The following MED1 variants were observed in gnomAD, a reference collection of about 807,000 sequenced individuals.
MED1 encodes the protein mediator complex subunit 1, also known as mediator of RNA polymerase II transcription subunit 1.
In MED1, 17 loss-of-function variants were observed where a neutral mutation model predicts 121.3. That is an observed-to-expected ratio of 0.14 (90% CI 0.10 to 0.21). The LOEUF is 0.21. Ranked by LOEUF, MED1 falls within the 10% of genes least tolerant of loss-of-function variation. The probability of loss-of-function intolerance (pLI) is 1.00; values close to 1 mark genes in which losing one functional copy is unlikely to be tolerated. For synonymous variants in MED1, 661 were observed against 694.4 expected (o/e 0.95, Z 0.76); for missense variants, 1,558 against 1,919.4 (o/e 0.81, Z 3.52).
chr17:39,437,019 G>C (rs1350012082), intron 6 of MED1, among the ~76,000 whole-genome samples: 2 of 151,406 alleles, frequency 1.3e-5, no homozygotes, highest in Non-Finnish European at 2.9e-5. Flanking sequence ...CACAACCTCT[G>C]CCTCCCGGGT....
chr17:39,415,532 C>T (rs966842721), intron 14 of MED1, among the ~76,000 whole-genome samples, 193 bp from the exon 15 acceptor site: 8 of 151,862 alleles, frequency 5.3e-5, no homozygotes, highest in Admixed American at 3.3e-4. Flanking sequence ...AAAAAGAGGC[C>T]GGATGCAGTG....
chr17:39,433,928 C>T (rs1437338296), intron 7 of MED1, among the ~76,000 whole-genome samples: 6 of 152,134 alleles, frequency 3.9e-5, no homozygotes, highest in African/African-American at 7.2e-5. Context: ...AAGCCAAATA[C>T]GTTAATAGAA....
intron 13 of MED1, among the ~76,000 whole-genome samples, chr17:39,421,963 C>T (rs1211705818): frequency 2.0e-5 from 3 of 150,872 alleles, no homozygotes; most frequent in Non-Finnish European, 3.0e-5. Flanking sequence ...CCCGTCTCTA[C>T]TAAAAATACA....
intron 10 of MED1, among the ~76,000 whole-genome samples, chr17:39,426,259 CA>C (rs2048514438): frequency 6.6e-6 from 1 of 152,058 alleles, no homozygotes; most frequent in Non-Finnish European, 1.5e-5. Context: ...CCAGCTTGGC[CA>C]ACATAGTGAA....
At chr17:39,428,401 T>C (rs1421959926) in intron 9 of MED1, among the ~76,000 whole-genome samples, 2 of 151,960 alleles carry the variant, frequency 1.3e-5, no homozygotes, top group Non-Finnish European at 2.9e-5. Context: ...GAAGAATCGC[T>C]TGAACCCAGG....
intron 2 of MED1, among the ~76,000 whole-genome samples, chr17:39,444,368 G>A (rs188170898): frequency 1.0e-3 from 155 of 151,946 alleles, no homozygotes; most frequent in Non-Finnish European, 1.3e-3. Flanking sequence ...TTATCTGGGC[G>A]TGGTGGTGCA....
At chr17:39,450,244 C>T (rs189327556) in intron 1 of MED1, among the ~76,000 whole-genome samples, 8 of 152,270 alleles carry the variant, frequency 5.3e-5, no homozygotes, top group Admixed American at 4.6e-4. Flanking sequence ...GTCACTGCTC[C>T]CGGCCTCACC....
At position 39,447,904 on chromosome 17, in the gene MED1, T is replaced by C; in HGVS notation, c.26A>G (p.Glu9Gly). ...ACTCATCTTACTCAGCTTTTCTGACTCTATGATTTAAATCAGAAAACGTTA... is the reference window on the plus strand; with the variant it reads ...ACTCATCTTACTCAGCTTTTCTGACCCTATGATTTAAATCAGAAAACGTTA... The part of the protein sequence containing the change: MKAQGETE[E>G]SEKLSKMSSL... Residue 9 changes from glutamate to glycine, a missense_variant and splice_region_variant, in exon 2 of 17, where the codon GAG becomes GGG. This residue lies in a region of MED1 where 443 missense variants were observed against 532.4 expected (regional missense o/e 0.83). Transcript: ENST00000300651. The C allele has an allele frequency of 6.2e-7, 1 of 1,604,290 alleles. No individual in the cohort carries two copies. Among genetic ancestry groups the C allele is most frequent in the Non-Finnish European group, 8.5e-7 (1 of 1,172,448 alleles).
chr17:39,425,517 A>T (rs1417479456), intron 10 of MED1, among the ~76,000 whole-genome samples: 1 of 152,104 alleles, frequency 6.6e-6, no homozygotes, highest in Non-Finnish European at 1.5e-5. Context: ...AAAACTTAGA[A>T]ATCAGGCCAG....
rs1162422961 is a variant in MED1, at chr17:39,423,837, G to T, written c.852-16C>A. Reference sequence around the variant, plus strand: ...GGAAGGGGTCCTTCAAAAAAAAGAGGGTGGAAGGGTTGGATTCTGACTTGA... The same window carrying T: ...GGAAGGGGTCCTTCAAAAAAAAGAGTGTGGAAGGGTTGGATTCTGACTTGA... On this transcript the variant is annotated splice_polypyrimidine_tract_variant and intron_variant, in intron 11 of 16. Coordinates refer to ENST00000300651, the MANE Select transcript of MED1 (RefSeq NM_004774.4). 1 of 1,591,642 alleles carries T rather than the reference G, an allele frequency of 6.3e-7. No individual in the cohort carries two copies. The highest frequency in any genetic ancestry group is 8.5e-7 in the Non-Finnish European group (1 of 1,173,034).
At position 39,409,371 on chromosome 17, in the gene MED1, G is replaced by A. The variant is rs759782977; in HGVS notation, c.2850C>T (p.His950=). The A allele has an allele frequency of 6.2e-7, 1 of 1,614,066 alleles. No individual in the cohort carries two copies. The highest frequency in any genetic ancestry group is 8.5e-7 in the Non-Finnish European group (1 of 1,180,024). The change falls in exon 17 of 17, where the codon CAC becomes CAT. Residue 950 remains histidine, a synonymous_variant. Transcript: ENST00000300651. ...TCAGTAAAGGACCCTGACTACCACTGTGATGCTCCATAAGATCTGCAGGAG... is the reference window on the plus strand; with the variant it reads ...TCAGTAAAGGACCCTGACTACCACTATGATGCTCCATAAGATCTGCAGGAG... ...ALAPADLMEH[H]SGSQGPLLTT...
chr17:39,442,458 G>A (rs771938180), intron 3 of MED1, among the ~76,000 whole-genome samples: 27 of 150,430 alleles, frequency 1.8e-4, no homozygotes, highest in Non-Finnish European at 2.9e-4. Flanking sequence ...TTAGCCAGGC[G>A]TGGTGGGACG....
chr17:39,423,939 A>G lies in MED1; in HGVS notation c.852-118T>C, dbSNP rs574395310. On this transcript the variant is annotated intron_variant, in intron 11 of 16. Coordinates refer to ENST00000300651, the MANE Select transcript of MED1 (RefSeq NM_004774.4). ...CTCTTAATGCCCAGGCTAGAGTGCA[A>G]TGGCGTGATCTTGGCTCACTGCAAC... The G allele has an allele frequency of 6.5e-6, 8 of 1,226,582 alleles. No homozygotes were observed. The African/African-American group carries it at 1.1e-4, about 17-fold the overall frequency. The allele number at this position is 1,226,582 out of a possible 1,614,324, so 76.0% of individuals were successfully genotyped here. A position where few individuals can be genotyped will look rare whatever the true frequency, so the allele number is the denominator to read the frequency against.
At chr17:39,414,957 C>A (rs1200482504) in intron 16 of MED1, 69 bp downstream of exon 16, 2 of 1,410,072 alleles carry the variant, frequency 1.4e-6, no homozygotes, top group Non-Finnish European at 2.0e-6. Context: ...CGTGAGCCAC[C>A]GCGCCCTACT....
At chr17:39,446,646 T>C (rs7218944) in intron 2 of MED1, among the ~76,000 whole-genome samples, 123,998 of 150,976 alleles carry the variant, frequency 0.82, 50,998 homozygotes, top group South Asian at 0.92. Context: ...TGGTGGCGTG[T>C]GCCTGTAGTC....
rs148407647 is a variant in MED1, at chr17:39,447,407, C to A, written c.132+391G>T. ...ACTCCGTCTCAATAAAAAAAAAAAA[C>A]AAAAAAAAACTTAGTTTCACACACA... On this transcript the variant is annotated intron_variant, in intron 2 of 16. Coordinates refer to ENST00000300651, the MANE Select transcript of MED1 (RefSeq NM_004774.4). 5.3e-3 allele frequency among the ~76,000 whole-genome samples: 708 copies of A among 133,214 alleles called. 4 individuals are homozygous for A. Among genetic ancestry groups the A allele is most frequent in the South Asian group, 0.034 (135 of 4,020 alleles). 87.4% of individuals were successfully genotyped at this position (133,214 alleles called of 152,430 possible).
chr17:39,405,107 G>T lies in MED1; in HGVS notation c.*2368C>A. ...AATGAGTACACCTAGACAGGAGGGA[G>T]GTGTCCCAGGCTTGGTTTATTCTGC... On this transcript the variant is annotated 3_prime_UTR_variant, in exon 17 of 17. Transcript: ENST00000300651. 1 of 1,166,012 alleles carries T rather than the reference G, an allele frequency of 8.6e-7. No individual in the cohort carries two copies. 72.2% of individuals were successfully genotyped at this position (1,166,012 alleles called of 1,614,324 possible).
chr17:39,443,194 G>A (rs1035090165), intron 3 of MED1, among the ~76,000 whole-genome samples: 6 of 151,270 alleles, frequency 4.0e-5, no homozygotes, highest in African/African-American at 1.5e-4. Flanking sequence ...TAGAGACAGG[G>A]TTTCACCATG....
At chr17:39,443,474 CTAGTTT>C (rs1208872683) in intron 3 of MED1, 70 bp downstream of exon 3, 3 of 1,285,882 alleles carry the variant, frequency 2.3e-6, no homozygotes, top group Non-Finnish European at 3.3e-6. Context: ...TTTTTTACTT[CTAGTTT>C]AAGTATAAAA....
Sources: allele counts gnomAD v4.1 joint callset (sites outside exome capture counted in the v4.1 genomes callset), GRCh38; gene constraint gnomAD v4.1.1; regional missense constraint gnomAD v4.1.1; transcripts MANE v1.5; gene names NCBI Gene and HGNC (gene_info 2026-07-23, HGNC 2026-07-21).